DDX24: variants seen among roughly 807,000 people sequenced by gnomAD.
DDX24 encodes the protein ATP-dependent RNA helicase DDX24.
Under a neutral mutation model 68.9 loss-of-function variants are expected in DDX24, and 24 were observed. The ratio of observed to expected loss-of-function variants is 0.35; its 90% CI spans 0.25 to 0.49. The LOEUF is 0.49. Ranked by LOEUF, DDX24 falls within the 20% of genes least tolerant of loss-of-function variation. DDX24 has a pLI of 0.99. For missense variants in DDX24, 989 were observed against 1,039.0 expected (o/e 0.95, Z 0.66); for synonymous variants, 395 against 385.2 (o/e 1.03, Z -0.30).
intron 2 of DDX24, among the ~76,000 whole-genome samples, chr14:94,069,840 G>A (rs1429869945): frequency 1.3e-5 from 2 of 152,032 alleles, no homozygotes; most frequent in African/African-American, 4.8e-5. Context: ...AGCAAAATTG[G>A]CATACAAGGG....
intron 2 of DDX24, among the ~76,000 whole-genome samples, chr14:94,072,953 AAAAT>A (rs1256151693): frequency 6.6e-6 from 1 of 151,786 alleles, no homozygotes; most frequent in Non-Finnish European, 1.5e-5. Flanking sequence ...AAAAAAATTT[AAAAT>A]AAAAAACAGA....
chr14:94,073,773 G>A (rs1346129745), intron 2 of DDX24, among the ~76,000 whole-genome samples: 1 of 152,140 alleles, frequency 6.6e-6, no homozygotes, highest in Non-Finnish European at 1.5e-5. Context: ...GCCGGGTGTG[G>A]CGGCTCATGC....
intron 2 of DDX24, among the ~76,000 whole-genome samples, chr14:94,063,975 AAT>A (rs35183997): frequency 0.12 from 19,008 of 152,222 alleles, 1,512 homozygotes; most frequent in African/African-American, 0.23. Flanking sequence ...GTTTAAAGCA[AAT>A]ATAATAAAAA....
At position 94,055,154 on chromosome 14, in the gene DDX24, G is replaced by T; in HGVS notation, c.2020C>A (p.Arg674=). The T allele has an allele frequency of 1.2e-6, 2 of 1,613,956 alleles. No homozygotes were observed. Among genetic ancestry groups the T allele is most frequent in the Non-Finnish European group, 1.7e-6 (2 of 1,179,894 alleles). The change falls in exon 7 of 9, where the codon CGA becomes AGA. Residue 674 remains arginine (R), a synonymous_variant. Coordinates refer to ENST00000621632, the MANE Select transcript of DDX24 (RefSeq NM_020414.4). ...GTAGCTCGAGCAGTTCGACCACTTC[G>T]GTGGACATAAATCTCCGAGGTACGT... is the stretch of plus-strand genomic sequence containing the variant. The part of the protein sequence containing the change: ...VPRTSEIYVH[R]SGRTARATNE...
chr14:94,057,934 A>G, intron 5 of DDX24, 37 bp from the exon 6 acceptor site: 4 of 1,592,054 alleles, frequency 2.5e-6, no homozygotes, highest in Non-Finnish European at 3.4e-6. Context: ...ATAATAACTA[A>G]CAGCTATCTT....
At chr14:94,063,671 G>T (rs977871938) in intron 2 of DDX24, among the ~76,000 whole-genome samples, 3 of 152,228 alleles carry the variant, frequency 2.0e-5, no homozygotes, top group African/African-American at 7.2e-5. Flanking sequence ...GCTCATGCCT[G>T]TAATCCCAAC....
chr14:94,056,050 C>A (rs946603261), intron 6 of DDX24: 1 of 152,148 alleles, frequency 6.6e-6, no homozygotes, highest in African/African-American at 2.4e-5. Flanking sequence ...GTCATCTCAC[C>A]TCCTCTGCTG....
chr14:94,054,961 C>T (rs1248522281), intron 7 of DDX24, 35 bp downstream of exon 7: 2 of 1,604,118 alleles, frequency 1.2e-6, no homozygotes, highest in Non-Finnish European at 1.7e-6. Context: ...CAGCACAATC[C>T]CTTCATTAGC....
chr14:94,072,840 A>G (rs912864403), intron 2 of DDX24, among the ~76,000 whole-genome samples: 3 of 152,176 alleles, frequency 2.0e-5, no homozygotes, highest in African/African-American at 7.2e-5. Context: ...AAAAACAAAC[A>G]AACAAAAAAA....
rs191337331 is a variant in DDX24 at position 94,071,354 on chromosome 14, A to G, written c.718+7671T>C. On this transcript the variant is annotated intron_variant, in intron 2 of 8. Transcript: ENST00000621632. ...GGCCATAATCAAAAAATCAAAAAAC[A>G]GTAGATGTTGGCAGCCAGGCACGGT... 2.2e-3 allele frequency among the ~76,000 whole-genome samples: 337 copies of G among 152,340 alleles called. 2 individuals carry two copies. The highest frequency in any genetic ancestry group is 0.017 in the Middle Eastern group (5 of 294).
At chr14:94,073,595 G>A (rs1271454853) in intron 2 of DDX24, among the ~76,000 whole-genome samples, 1 of 152,066 alleles carries the variant, frequency 6.6e-6, no homozygotes, top group African/African-American at 2.4e-5. Context: ...TAAGGATAAA[G>A]GGGGCCATTT....
chr14:94,073,407 C>T (rs551664016), intron 2 of DDX24, among the ~76,000 whole-genome samples: 12 of 152,022 alleles, frequency 7.9e-5, no homozygotes, highest in Admixed American at 2.0e-4. Context: ...CTCAAAGACA[C>T]GAACTGTCTG....
chr14:94,052,280 G>C (rs1885403044), intron 8 of DDX24, among the ~76,000 whole-genome samples: 2 of 152,178 alleles, frequency 1.3e-5, no homozygotes, highest in Non-Finnish European at 2.9e-5. Context: ...CAGGGACCGG[G>C]CAGATTCATC....
Position 94,079,098 on chromosome 14 carries a change from G to A in DDX24, c.645C>T (p.Pro215=). 2 of 1,614,178 alleles carry A rather than the reference G, an allele frequency of 1.2e-6. No homozygotes were observed. The highest frequency in any genetic ancestry group is 2.7e-5 in the African/African-American group (2 of 75,030). The change falls in exon 2 of 9, where the codon CCC becomes CCT. Residue 215 remains proline, a synonymous_variant. Transcript: ENST00000621632. Reference sequence around the variant, plus strand: ...CCAAGGTCAGGGCTTGGATTGGTGTGGGTGCAGAGAAGCCTAGAAAGCTGA... The same window carrying A: ...CCAAGGTCAGGGCTTGGATTGGTGTAGGTGCAGAGAAGCCTAGAAAGCTGA... The part of the protein sequence containing the change: ...RALSFLGFSA[P]TPIQALTLAP...
intron 1 of DDX24, among the ~76,000 whole-genome samples, chr14:94,080,423 G>T (rs777744795): frequency 2.9e-4 from 44 of 152,138 alleles, no homozygotes; most frequent in Non-Finnish European, 5.3e-4. Context: ...GAAAGGCCAA[G>T]AAAGATAACA....
chr14:94,073,490 G>A (rs35034321), intron 2 of DDX24, among the ~76,000 whole-genome samples: 47,247 of 151,716 alleles, frequency 0.31, 7,531 homozygotes, highest in Admixed American at 0.38. Flanking sequence ...GAAAGTAATA[G>A]TATTGAAAAA....
At chr14:94,065,405 A>ACACACACACACAC (rs1567060057) in intron 2 of DDX24, among the ~76,000 whole-genome samples, 2 of 151,894 alleles carry the variant, frequency 1.3e-5, no homozygotes, top group African/African-American at 4.8e-5. Flanking sequence ...ACACACACAC[A>ACACACACACACAC]AATTCAGTGC....
intron 5 of DDX24, among the ~76,000 whole-genome samples, chr14:94,058,116 T>G (rs897079055): frequency 6.6e-6 from 1 of 152,140 alleles, no homozygotes; most frequent in African/African-American, 2.4e-5. Flanking sequence ...AATTTGGGAC[T>G]CATTGACCCC....
At chr14:94,076,602 A>G (rs1326059520) in intron 2 of DDX24, among the ~76,000 whole-genome samples, 1 of 150,294 alleles carries the variant, frequency 6.7e-6, no homozygotes, top group African/African-American at 2.5e-5. Flanking sequence ...AATCACTTGA[A>G]CCCAGGAGGC....
Sources: allele counts gnomAD v4.1 joint callset (sites outside exome capture counted in the v4.1 genomes callset), GRCh38; gene constraint gnomAD v4.1.1; transcripts MANE v1.5; gene names NCBI Gene and HGNC (gene_info 2026-07-23, HGNC 2026-07-21).